MYPN: variants seen among roughly 807,000 people sequenced by gnomAD.
The protein encoded by MYPN is myopalladin.
In MYPN, 63 loss-of-function variants were observed where a neutral mutation model predicts 129.4. That is an observed-to-expected ratio of 0.49 (90% confidence interval 0.40 to 0.60). The LOEUF is 0.60. Ranked by LOEUF, MYPN falls within the 20% of genes least tolerant of loss-of-function variation. The pLI, the probability that MYPN is intolerant of heterozygous loss-of-function variation, is 0.00. For missense variants in MYPN, 1,596 were observed against 1,635.4 expected, an observed-to-expected ratio of 0.98 and a Z score of 0.42; for synonymous variants, 629 against 600.9, an observed-to-expected ratio of 1.05 and a Z score of -0.68.
At chr10:68,095,077 T>A (rs996665704) in intron 1 of MYPN, among the ~76,000 whole-genome samples, 8 of 151,946 alleles carry the variant, frequency 5.3e-5, no homozygotes, top group African/African-American at 1.9e-4. Context: ...GAAGAAGATA[T>A]AAGGCACGAG....
intron 10 of MYPN, 140 bp from the exon 11 acceptor site, chr10:68,173,926 C>CA: frequency 1.3e-6 from 1 of 759,092 alleles, no homozygotes; most frequent in Non-Finnish European, 2.3e-6. Flanking sequence ...CTCCGCCTCC[C>CA]AAAGTGCTGG....
At position 68,173,819 on chromosome 10, in the gene MYPN, A is replaced by G. The variant is rs149640475; in HGVS notation, c.1974-247A>G. On this transcript the variant is annotated intron_variant, in intron 10 of 19. Coordinates refer to ENST00000358913, the MANE Select transcript of MYPN (RefSeq NM_032578.4). The stretch of plus-strand genomic sequence containing the variant: ...GTGCACCACCATGTCTGGCTAATAT[A>G]TATGTATATATAATTTTTTTTTTTT... Among the ~76,000 whole-genome samples, 5 of 142,710 alleles carry G rather than the reference A, an allele frequency of 3.5e-5. No homozygotes were observed. In the East Asian group the frequency reaches 1.1e-3, roughly 30 times the overall value. 93.6% of individuals were successfully genotyped at this position (142,710 alleles called of 152,430 possible).
chr10:68,154,596 A>T (rs1482824306), intron 6 of MYPN, among the ~76,000 whole-genome samples: 1 of 152,234 alleles, frequency 6.6e-6, no homozygotes, highest in Non-Finnish European at 1.5e-5. Context: ...ACAGTTCTTT[A>T]TCAGTAAAAA....
At chr10:68,122,912 T>TAAATA (rs747727715) in intron 2 of MYPN, among the ~76,000 whole-genome samples, 23 of 151,728 alleles carry the variant, frequency 1.5e-4, no homozygotes, top group Middle Eastern at 3.4e-3. Flanking sequence ...CAAAAATAAA[T>TAAATA]AAATAAAATA....
At chr10:68,200,627 G>A (rs527589951) in intron 17 of MYPN, among the ~76,000 whole-genome samples, 28 of 151,996 alleles carry the variant, frequency 1.8e-4, no homozygotes, top group Middle Eastern at 3.4e-3. Flanking sequence ...GTGTGGTGGC[G>A]CACACCTGTA....
At chr10:68,189,345 T>G (rs1362768069) in intron 13 of MYPN, among the ~76,000 whole-genome samples, 1 of 152,174 alleles carries the variant, frequency 6.6e-6, no homozygotes, top group African/African-American at 2.4e-5. Context: ...CACTCAAACA[T>G]TTATCTTTTT....
At chr10:68,177,493 C>T (rs1309676468) in intron 12 of MYPN, among the ~76,000 whole-genome samples, 2 of 152,124 alleles carry the variant, frequency 1.3e-5, no homozygotes, top group African/African-American at 4.8e-5. Context: ...ATTTGGATGG[C>T]AGATGTTGAC....
chr10:68,193,117 T>C (rs1459050517), intron 13 of MYPN, among the ~76,000 whole-genome samples: 4 of 152,218 alleles, frequency 2.6e-5, no homozygotes, highest in African/African-American at 9.6e-5. Flanking sequence ...AGCTAATTTA[T>C]TTGGAGTCTT....
At position 68,145,526 on chromosome 10, in the gene MYPN, G is replaced by A. The variant is rs147596628; in HGVS notation, c.1130G>A (p.Arg377Gln). Residue 377 changes from arginine to glutamine, a missense_variant and splice_region_variant, in exon 4 of 20, where the codon CGA becomes CAA. Arg to Gln is a conservative substitution (Grantham distance 43). Transcript: ENST00000358913. ...GACCCTAACAAGGAAGAGATGAATCGGTAATTCTGATTTTCTGTCTTATAG... is the reference window on the plus strand; with the variant it reads ...GACCCTAACAAGGAAGAGATGAATCAGTAATTCTGATTTTCTGTCTTATAG... ...EGDPNKEEMNRIQKPNEVSSP... is the reference protein window; with the variant it reads ...EGDPNKEEMNQIQKPNEVSSP... 8.9e-4 allele frequency: 1,441 copies of A among 1,611,770 alleles called. 3 individuals are homozygous for A. Among genetic ancestry groups the A allele is most frequent in the Non-Finnish European group, 1.1e-3 (1,309 of 1,178,448 alleles).
chr10:68,144,408 A>C (rs1313918139), intron 3 of MYPN, among the ~76,000 whole-genome samples: 1 of 152,208 alleles, frequency 6.6e-6, no homozygotes, highest in Non-Finnish European at 1.5e-5. Context: ...TCCAATATGT[A>C]CTTGTACTAG....
upstream of MYPN, chr10:68,106,885 A>T: frequency 1.4e-6 from 1 of 705,570 alleles, no homozygotes; most frequent in Non-Finnish European, 2.6e-6. Context: ...AACCACAAGA[A>T]ACACATGTGT....
intron 7 of MYPN, among the ~76,000 whole-genome samples, chr10:68,160,275 C>A (rs1199636670): frequency 6.7e-6 from 1 of 150,228 alleles, no homozygotes; most frequent in Non-Finnish European, 1.5e-5. Flanking sequence ...CAAAAAAAAC[C>A]AAAAACTCAG....
intron 2 of MYPN, among the ~76,000 whole-genome samples, chr10:68,131,475 A>T (rs898443277): frequency 3.0e-4 from 45 of 152,084 alleles, no homozygotes; most frequent in Middle Eastern, 3.4e-3. Context: ...GGGAATTGAC[A>T]TCTTTAAAAT....
Position 68,166,675 on chromosome 10 carries a change from A to G in MYPN, c.1973+9A>G, listed in dbSNP as rs1389429519. 3 of 1,613,922 alleles carry G rather than the reference A, an allele frequency of 1.9e-6. No individual in the cohort carries two copies. Among genetic ancestry groups the G allele is most frequent in the Admixed American group, 3.3e-5 (2 of 60,006 alleles). ...CTGGCCAAACCCAAACTGTAAGTAA[A>G]AAGTAGGATGAATAACCAGGAGCTT... On this transcript the variant is annotated intron_variant, in intron 10 of 19. Coordinates refer to ENST00000358913, the MANE Select transcript of MYPN (RefSeq NM_032578.4).
At chr10:68,202,793 C>A (rs1283615787) in intron 18 of MYPN, among the ~76,000 whole-genome samples, 2 of 151,006 alleles carry the variant, frequency 1.3e-5, no homozygotes, top group African/African-American at 4.8e-5. Flanking sequence ...GGAAATTGCC[C>A]CAGAGAATGC....
At chr10:68,197,970 T>G (rs1297555943) in intron 16 of MYPN, among the ~76,000 whole-genome samples, 1 of 152,158 alleles carries the variant, frequency 6.6e-6, no homozygotes, top group Admixed American at 6.5e-5. Context: ...TAAGACGGCA[T>G]GAGATTTCAT....
intron 12 of MYPN, among the ~76,000 whole-genome samples, chr10:68,175,916 A>AT (rs1476561544): frequency 2.0e-5 from 3 of 151,782 alleles, no homozygotes; most frequent in Non-Finnish European, 4.4e-5. Flanking sequence ...AATTTTTTTA[A>AT]TTTTTTGTAG....
At chr10:68,175,785 C>T (rs1589589890) in intron 12 of MYPN, among the ~76,000 whole-genome samples, 1 of 152,150 alleles carries the variant, frequency 6.6e-6, no homozygotes, top group East Asian at 1.9e-4. Context: ...AAACAGGTCT[C>T]GATCTGTCAC....
chr10:68,114,382 C>T (rs967153128), intron 1 of MYPN: 2 of 142,176 alleles, frequency 1.4e-5, no homozygotes, highest in African/African-American at 5.3e-5. Flanking sequence ...TGCTCTTTTG[C>T]CCAGACTGGA....
Sources: allele counts gnomAD v4.1 joint callset (sites outside exome capture counted in the v4.1 genomes callset), GRCh38; gene constraint gnomAD v4.1.1; transcripts MANE v1.5; gene names NCBI Gene and HGNC (gene_info 2026-07-23, HGNC 2026-07-21).